Variants in CELF2 observed in about 807,000 individuals in gnomAD.
The protein encoded by CELF2 is CUGBP Elav-like family member 2.
Under a neutral mutation model 62.6 loss-of-function variants are expected in CELF2, and 8 were observed. The ratio of observed to expected loss-of-function variants is 0.13; its 90% CI spans 0.07 to 0.23. CELF2 has a LOEUF of 0.23. Among genes scored for constraint, CELF2 ranks in the 10% least tolerant of loss-of-function variants. The probability of loss-of-function intolerance (pLI) is 1.00; values close to 1 mark genes in which losing one functional copy is unlikely to be tolerated. For missense variants in CELF2, 333 were observed against 671.0 expected, an observed-to-expected ratio of 0.50 and a Z score of 5.56; for synonymous variants, 258 against 250.0, an observed-to-expected ratio of 1.03 and a Z score of -0.30.
chr10:10,744,130 T>C, the CELF2 span, among the ~76,000 whole-genome samples: 1 of 152,196 alleles, frequency 6.6e-6, no homozygotes, highest in Non-Finnish European at 1.5e-5. Context: ...AAAGAAGCTC[T>C]AAAATCTCAA....
chr10:11,126,394 A>T (rs947750101), intron 1 of CELF2, among the ~76,000 whole-genome samples: 2 of 152,234 alleles, frequency 1.3e-5, no homozygotes, highest in South Asian at 4.1e-4. Context: ...CTATAGTATT[A>T]AGCAAACTAG....
rs1054772314 is a variant in CELF2, at chr10:11,075,147, G to A, written c.74+56984G>A. 1 of 152,396 alleles carries A rather than the reference G, an allele frequency of 6.6e-6. No individual in the cohort carries two copies. Among genetic ancestry groups the A allele is most frequent in the African/African-American group, 2.4e-5 (1 of 41,450 alleles). The allele number at this position is 152,396 out of a possible 1,614,324, so 9.4% of individuals were successfully genotyped here. On this transcript the variant is annotated intron_variant, in intron 1 of 12. Coordinates refer to ENST00000633077, the MANE Select transcript of CELF2 (RefSeq NM_001326342.2). This position sits in a 1 kb window ranked among gnomAD's most constrained non-coding sequence, Gnocchi z 5.4. ...TGAATGGTCTTGTCCCTTGTCAAGT[G>A]TGGCTTGATTGTCTTCCTCTTCCTT...
At chr10:10,988,356 C>A (rs2053048558) in intron 2 of CELF2, among the ~76,000 whole-genome samples, 2 of 151,468 alleles carry the variant, frequency 1.3e-5, no homozygotes, top group African/African-American at 2.4e-5. Context: ...GAAATAATGT[C>A]TTTTACAGCA....
chr10:10,958,578 C>T (rs1437339059), intron 2 of CELF2, among the ~76,000 whole-genome samples: 1 of 152,178 alleles, frequency 6.6e-6, no homozygotes, highest in Non-Finnish European at 1.5e-5. Flanking sequence ...ACAAAGATGG[C>T]TGGGCATGGT....
chr10:11,167,913 G>A (rs765764642), intron 2 of CELF2, among the ~76,000 whole-genome samples: 10 of 152,134 alleles, frequency 6.6e-5, no homozygotes, highest in Non-Finnish European at 1.5e-4. Context: ...ACATAGCCCC[G>A]TTTGCCCAGC....
intron 2 of CELF2, among the ~76,000 whole-genome samples, chr10:11,173,356 C>T (rs2069651698): frequency 6.6e-6 from 1 of 152,224 alleles, no homozygotes; most frequent in Non-Finnish European, 1.5e-5. Flanking sequence ...CTTGCTTTCG[C>T]TCCAGAGACC....
intron 1 of CELF2, among the ~76,000 whole-genome samples, chr10:10,892,464 G>T (rs1002198418): frequency 7.9e-5 from 12 of 152,126 alleles, no homozygotes; most frequent in Non-Finnish European, 1.8e-4. Context: ...CAAATGGAAG[G>T]CACCCTTTTT....
At chr10:10,823,540 C>T (rs944893260) in intron 1 of CELF2, among the ~76,000 whole-genome samples, 5 of 151,940 alleles carry the variant, frequency 3.3e-5, no homozygotes, top group African/African-American at 9.7e-5. Context: ...GTTATCTGAG[C>T]TGTGTCTGTA....
chr10:10,581,255 T>A, the CELF2 span, among the ~76,000 whole-genome samples: 1 of 152,224 alleles, frequency 6.6e-6, no homozygotes, highest in African/African-American at 2.4e-5. Context: ...TTAGTTTAAG[T>A]ACAACCTTTA....
intron 1 of CELF2, among the ~76,000 whole-genome samples, chr10:11,085,074 T>C (rs754355698): frequency 2.6e-5 from 4 of 152,380 alleles, no homozygotes; most frequent in Non-Finnish European, 4.4e-5. Flanking sequence ...TTTACTCGTT[T>C]GGCTTTTCTT....
At chr10:10,613,009 T>G in the CELF2 span, among the ~76,000 whole-genome samples, 1 of 152,194 alleles carries the variant, frequency 6.6e-6, no homozygotes, top group Admixed American at 6.5e-5. Context: ...AATGAGAAAA[T>G]AAAACTAGCA....
chr10:10,787,209 G>A, the CELF2 span, among the ~76,000 whole-genome samples: 93 of 148,588 alleles, frequency 6.3e-4, no homozygotes, highest in Non-Finnish European at 1.2e-3. Context: ...TGGGAAGAAA[G>A]CCCTTAAGGT....
the CELF2 span, among the ~76,000 whole-genome samples, chr10:10,478,078 A>C: frequency 6.6e-6 from 1 of 152,196 alleles, no homozygotes; most frequent in African/African-American, 2.4e-5. Flanking sequence ...CTATATAAAC[A>C]GTTTTCTTAC....
At chr10:10,782,983 AG>A in the CELF2 span, among the ~76,000 whole-genome samples, 2 of 152,208 alleles carry the variant, frequency 1.3e-5, no homozygotes, top group Admixed American at 6.5e-5. Flanking sequence ...GTAGATTTGA[AG>A]GGTTACTATG....
At chr10:11,239,357 C>G (rs983045768) in intron 3 of CELF2, among the ~76,000 whole-genome samples, 3 of 152,120 alleles carry the variant, frequency 2.0e-5, no homozygotes, top group Non-Finnish European at 4.4e-5. Flanking sequence ...CAGTTTTTCT[C>G]CATCACTAGA....
chr10:10,738,866 G>A, the CELF2 span, among the ~76,000 whole-genome samples: 2,104 of 152,194 alleles, frequency 0.014, 36 homozygotes, highest in African/African-American at 0.043. Context: ...TGAACAAACC[G>A]TGGACTTTAG....
intron 2 of CELF2, among the ~76,000 whole-genome samples, chr10:10,962,997 CTGTTT>C (rs57417707): frequency 0.48 from 67,829 of 142,302 alleles, 16,577 homozygotes; most frequent in East Asian, 0.53. Context: ...TAAGGAAATT[CTGTTT>C]TGTTTTGTTT....
chr10:11,217,577 A>C lies in CELF2; in HGVS notation c.354+70A>C. The C allele has an allele frequency of 8.4e-7, 1 of 1,184,506 alleles. No homozygotes were observed. The highest frequency in any genetic ancestry group is 1.2e-6 in the Non-Finnish European group (1 of 806,284). The allele number at this position is 1,184,506 out of a possible 1,614,324, so 73.4% of individuals were successfully genotyped here. A position where few individuals can be genotyped will look rare whatever the true frequency, so the allele number is the denominator to read the frequency against. ...AATGGTCCTTTCAACTGAAGGTTCT[A>C]GTTATGGGCTCTTAGTGCCAAAAAT... On this transcript the variant is annotated intron_variant, in intron 3 of 12. Coordinates refer to ENST00000633077, the MANE Select transcript of CELF2 (RefSeq NM_001326342.2). The surrounding 1 kb of genome is among the most constrained non-coding windows in gnomAD (Gnocchi z 5.6).
At chr10:10,659,895 G>T in the CELF2 span, among the ~76,000 whole-genome samples, 6 of 152,214 alleles carry the variant, frequency 3.9e-5, no homozygotes, top group Non-Finnish European at 5.9e-5. Context: ...GGATTATCCA[G>T]ATGCCCTCAA....
Sources: allele counts gnomAD v4.1 joint callset (sites outside exome capture counted in the v4.1 genomes callset), GRCh38; gene constraint gnomAD v4.1.1; non-coding constraint Gnocchi (gnomAD v3.1); transcripts MANE v1.5; gene names NCBI Gene and HGNC (gene_info 2026-07-23, HGNC 2026-07-21).